SEMA3C: variants seen among roughly 807,000 people sequenced by gnomAD.
The protein encoded by SEMA3C is semaphorin-3C.
SEMA3C carries 47 observed loss-of-function variants against 89.4 expected under a neutral mutation model. That is an observed-to-expected ratio of 0.53 (90% confidence interval 0.42 to 0.67). The LOEUF is 0.67. Among genes scored for constraint, SEMA3C ranks in the 30% least tolerant of loss-of-function variants. The pLI is 0.00. For synonymous variants in SEMA3C, 310 were observed against 320.2 expected (o/e 0.97, Z 0.34); for missense variants, 839 against 929.1 (o/e 0.90, Z 1.26).
At chr7:80,846,150 A>T (rs1790383701) in intron 2 of SEMA3C, among the ~76,000 whole-genome samples, 1 of 152,164 alleles carries the variant, frequency 6.6e-6, no homozygotes, top group Non-Finnish European at 1.5e-5. Flanking sequence ...GGAAAATTTC[A>T]TGCCTACAAA....
intron 2 of SEMA3C, among the ~76,000 whole-genome samples, chr7:80,887,117 G>GT (rs1266557378): frequency 5.9e-5 from 9 of 152,088 alleles, no homozygotes; most frequent in African/African-American, 2.2e-4. Flanking sequence ...CTATTTTAAT[G>GT]TATCAGTGCC....
chr7:80,780,130 A>G (rs1788659167), intron 12 of SEMA3C, among the ~76,000 whole-genome samples: 1 of 152,184 alleles, frequency 6.6e-6, no homozygotes, highest in African/African-American at 2.4e-5. Context: ...TTAAGCCACA[A>G]ATTTTGTGGT....
intron 2 of SEMA3C, among the ~76,000 whole-genome samples, chr7:80,834,669 A>AACT (rs1401585789): frequency 3.9e-5 from 6 of 152,140 alleles, no homozygotes; most frequent in African/African-American, 1.4e-4. Flanking sequence ...TTGATAAAGG[A>AACT]AGGTAGAGAG....
chr7:80,770,408 C>A (rs778237176), intron 12 of SEMA3C, among the ~76,000 whole-genome samples: 30 of 152,320 alleles, frequency 2.0e-4, no homozygotes, highest in Non-Finnish European at 3.2e-4. Context: ...TAGTGTTCTG[C>A]AGAATTGGAC....
At chr7:80,833,393 G>A (rs557691511) in intron 2 of SEMA3C, among the ~76,000 whole-genome samples, 12 of 151,982 alleles carry the variant, frequency 7.9e-5, no homozygotes, top group East Asian at 1.9e-4. Flanking sequence ...CCTGGGAGGC[G>A]GAGGTTGCAG....
intron 2 of SEMA3C, among the ~76,000 whole-genome samples, chr7:80,838,527 G>A (rs1790189839): frequency 6.6e-6 from 1 of 152,040 alleles, no homozygotes; most frequent in Non-Finnish European, 1.5e-5. Context: ...GTATTTTCTA[G>A]AAAAATGAAG....
rs887997204 is a variant in SEMA3C, at chr7:80,811,017, G to A, written c.448-316C>T. On this transcript the variant is annotated intron_variant, in intron 5 of 17. Transcript: ENST00000265361. ...ATTATTATAAATCTCAACTAGATGC[G>A]TTGAACATCAGCCAAAAGAAGAAAA... 3.9e-5 allele frequency among the ~76,000 whole-genome samples: 6 copies of A among 152,194 alleles called. No individual in the cohort carries two copies. The South Asian group carries it at 6.2e-4, about 16-fold the overall frequency.
chr7:80,806,934 C>A (rs1789354689), intron 6 of SEMA3C, among the ~76,000 whole-genome samples: 1 of 152,030 alleles, frequency 6.6e-6, no homozygotes. Context: ...AATATGTGCT[C>A]GCCAGGTTAT....
chr7:80,829,418 T>C (rs560717048), intron 2 of SEMA3C, among the ~76,000 whole-genome samples: 3 of 152,286 alleles, frequency 2.0e-5, no homozygotes, highest in East Asian at 3.9e-4. Flanking sequence ...ATTGTCTTCT[T>C]ATCCTCTATT....
chr7:80,762,729 C>A (rs959760968), intron 13 of SEMA3C, among the ~76,000 whole-genome samples: 3 of 152,148 alleles, frequency 2.0e-5, no homozygotes, highest in African/African-American at 7.2e-5. Flanking sequence ...AGGAGAATTG[C>A]TTGAACCCAG....
At chr7:80,906,753 G>A (rs575941814) in intron 2 of SEMA3C, among the ~76,000 whole-genome samples, 2 of 151,952 alleles carry the variant, frequency 1.3e-5, no homozygotes, top group South Asian at 2.1e-4. Context: ...CAGACAAGCT[G>A]TTGAAAATAA....
Position 80,789,311 on chromosome 7 carries a change from C to G in SEMA3C, c.1349G>C (p.Gly450Ala). The change falls in exon 12 of 18, where the codon GGA becomes GCA. Residue 450 changes from glycine (G) to alanine (A), a missense_variant. By Grantham distance (60) the Gly-to-Ala change is moderately conservative. Transcript: ENST00000265361. ...ADGRYHVLFL[G>A]TDRGTVQKVV... is the part of the protein sequence containing the mutation. ...TCTTGGGCTCAAATATTTACCTGTTCCGAGAAACAGGACATGGTATCTCCC... is the reference window on the plus strand; with the variant it reads ...TCTTGGGCTCAAATATTTACCTGTTGCGAGAAACAGGACATGGTATCTCCC... 1 of 1,611,826 alleles carries G rather than the reference C, an allele frequency of 6.2e-7. No individual in the cohort carries two copies. Among genetic ancestry groups the G allele is most frequent in the Non-Finnish European group, 8.5e-7 (1 of 1,178,424 alleles).
At chr7:80,904,310 G>A (rs1791955544) in intron 2 of SEMA3C, among the ~76,000 whole-genome samples, 1 of 152,020 alleles carries the variant, frequency 6.6e-6, no homozygotes, top group Non-Finnish European at 1.5e-5. Context: ...CAAAGTGCTG[G>A]GATTACAGGC....
At chr7:80,780,919 TAA>T (rs1788679005) in intron 12 of SEMA3C, among the ~76,000 whole-genome samples, 1 of 152,110 alleles carries the variant, frequency 6.6e-6, no homozygotes, top group Non-Finnish European at 1.5e-5. Context: ...TAGAGTTCTG[TAA>T]ACTAGAACTC....
chr7:80,848,338 T>A (rs1241899846), intron 2 of SEMA3C, among the ~76,000 whole-genome samples: 1 of 152,210 alleles, frequency 6.6e-6, no homozygotes, highest in Non-Finnish European at 1.5e-5. Context: ...ACATACTCTC[T>A]TGATTGTAGT....
rs1789445104 is a variant in SEMA3C at position 80,810,610 on chromosome 7, C to G, written c.538+1G>C. 6.2e-7 allele frequency: 1 copy of G among 1,611,038 alleles called. No individual in the cohort carries two copies. Among genetic ancestry groups the G allele is most frequent in the Admixed American group, 1.7e-5 (1 of 59,918 alleles). On this transcript the variant is annotated splice_donor_variant, in intron 6 of 17. Transcript: ENST00000265361. LOFTEE classifies it high-confidence loss of function. ...TCCTCCCTCTTTCGTTGTCTACTTA[C>G]TGATCATAACAGACACCGTGTTCAC... is the stretch of plus-strand genomic sequence containing the variant.
intron 2 of SEMA3C, among the ~76,000 whole-genome samples, chr7:80,905,194 G>A (rs1238462725): frequency 7.3e-6 from 1 of 137,110 alleles, no homozygotes; most frequent in East Asian, 2.1e-4. Flanking sequence ...TTTTTTTGAG[G>A]AGGTGGGAAG....
intron 4 of SEMA3C, among the ~76,000 whole-genome samples, chr7:80,821,095 T>G (rs997109372): frequency 6.6e-6 from 1 of 152,202 alleles, no homozygotes; most frequent in African/African-American, 2.4e-5. Context: ...ATTTAGAGTT[T>G]ATTACATCCT....
chr7:80,782,314 A>G (rs1348717826), intron 12 of SEMA3C, among the ~76,000 whole-genome samples: 1 of 152,184 alleles, frequency 6.6e-6, no homozygotes, highest in Non-Finnish European at 1.5e-5. Flanking sequence ...CACCTTGTTC[A>G]AGATTAATCT....
Sources: gnomAD v4.1 joint callset for allele counts (sites outside exome capture counted in the v4.1 genomes callset) on GRCh38, gnomAD v4.1.1 for gene constraint, MANE v1.5 for transcripts, NCBI Gene and HGNC (gene_info 2026-07-23, HGNC 2026-07-21) for gene names.